The following ATAD2B variants were observed in gnomAD, a reference collection of about 807,000 sequenced individuals.
ATAD2B encodes the protein ATPase family AAA domain containing 2B.
In ATAD2B, 40 loss-of-function variants were observed where a neutral mutation model predicts 167.6. The ratio of observed to expected loss-of-function variants is 0.24; its 90% CI spans 0.19 to 0.31. The LOEUF is 0.31. Ranked by LOEUF, ATAD2B falls within the 10% of genes least tolerant of loss-of-function variation. The pLI is 1.00. For synonymous variants in ATAD2B, 579 were observed against 596.5 expected, an observed-to-expected ratio of 0.97 and a Z score of 0.43; for missense variants, 1,242 against 1,757.2, an observed-to-expected ratio of 0.71 and a Z score of 5.24.
intron 17 of ATAD2B, among the ~76,000 whole-genome samples, chr2:23,819,261 T>G (rs9309166): frequency 0.96 from 146,347 of 152,234 alleles, 70,338 homozygotes; most frequent in East Asian, 0.99. Context: ...ACTTCGGGAG[T>G]CCAAAGCGGG....
chr2:23,746,685 C>A (rs1161827292), downstream of ATAD2B, among the ~76,000 whole-genome samples: 1 of 152,104 alleles, frequency 6.6e-6, no homozygotes, highest in Non-Finnish European at 1.5e-5. Context: ...GAATGTGCTG[C>A]ATGATTAGAA....
chr2:23,692,605 C>T, the ATAD2B span, among the ~76,000 whole-genome samples: 1 of 152,154 alleles, frequency 6.6e-6, no homozygotes, highest in African/African-American at 2.4e-5. Context: ...CAGTGAGGCT[C>T]GCGCACAGAT....
intron 19 of ATAD2B, among the ~76,000 whole-genome samples, chr2:23,793,222 T>C (rs559370928): frequency 2.6e-4 from 40 of 152,292 alleles, no homozygotes; most frequent in African/African-American, 8.9e-4. Flanking sequence ...ATATGTAATC[T>C]TACTTTCATC....
At chr2:23,729,136 C>A in the ATAD2B span, among the ~76,000 whole-genome samples, 1 of 152,186 alleles carries the variant, frequency 6.6e-6, no homozygotes, top group Non-Finnish European at 1.5e-5. Flanking sequence ...CCCACCAGGT[C>A]CCTCCTCCAA....
the ATAD2B span, among the ~76,000 whole-genome samples, chr2:23,725,034 C>T: frequency 1.1e-5 from 1 of 95,008 alleles, no homozygotes; most frequent in African/African-American, 4.0e-5. Context: ...CAGAGCAAGA[C>T]TCTGTCTCAA....
intron 22 of ATAD2B, among the ~76,000 whole-genome samples, chr2:23,775,061 A>G (rs1259092354): frequency 6.6e-6 from 1 of 152,142 alleles, no homozygotes; most frequent in Non-Finnish European, 1.5e-5. Context: ...ACAAATAACT[A>G]TGGGCAAAAA....
At chr2:23,830,667 T>C (rs977435911) in intron 14 of ATAD2B, among the ~76,000 whole-genome samples, 3 of 152,182 alleles carry the variant, frequency 2.0e-5, no homozygotes, top group South Asian at 2.1e-4. Flanking sequence ...AGCAATGATA[T>C]GACACTTATT....
At chr2:23,783,319 C>T (rs1450503964) in intron 21 of ATAD2B, among the ~76,000 whole-genome samples, 3 of 147,576 alleles carry the variant, frequency 2.0e-5, no homozygotes, top group Admixed American at 6.8e-5. Flanking sequence ...CGGGCATATC[C>T]GGGAAGATAA....
At chr2:23,925,918 C>A (rs1242975602) in intron 1 of ATAD2B, among the ~76,000 whole-genome samples, 1 of 152,194 alleles carries the variant, frequency 6.6e-6, no homozygotes, top group African/African-American at 2.4e-5. Context: ...CCTACTAGCA[C>A]CTTGGTGAGC....
rs1394357553 is a variant in ATAD2B, at chr2:23,823,493, G to A, written c.1896C>T (p.Ile632=). The A allele has an allele frequency of 6.2e-7, 1 of 1,613,886 alleles. No homozygotes were observed. The highest frequency in any genetic ancestry group is 2.2e-5 in the East Asian group (1 of 44,882). ...GCTGCAGTTTATGACTGCTAGCATA[G>A]ATCTGGGGATAACGCCTCCGCAGTG... ...LIALRRRYPQ[I]YASSHKLQLD... Residue 632 remains isoleucine (I), a synonymous_variant, in exon 16 of 28, where the codon ATC becomes ATT. Coordinates refer to ENST00000238789, the MANE Select transcript of ATAD2B (RefSeq NM_017552.4).
intron 22 of ATAD2B, among the ~76,000 whole-genome samples, chr2:23,772,930 G>T (rs1376102904): frequency 1.3e-5 from 2 of 152,204 alleles, no homozygotes; most frequent in Non-Finnish European, 1.5e-5. Context: ...TAGAGATGGT[G>T]TCTTGCCATG....
At position 23,798,551 on chromosome 2, in the gene ATAD2B, T is replaced by G. The variant is rs1682964240; in HGVS notation, c.2455-228A>C. On this transcript the variant is annotated intron_variant, in intron 18 of 27. Transcript: ENST00000238789. ...GCCCTATCAAAAAAAAAAGTATGTTTTGCCCTTTAATTATTCCTATTCAGT... is the reference window on the plus strand; with the variant it reads ...GCCCTATCAAAAAAAAAAGTATGTTGTGCCCTTTAATTATTCCTATTCAGT... Among the ~76,000 whole-genome samples, 3 of 152,140 alleles carry G rather than the reference T, an allele frequency of 2.0e-5. No individual in the cohort carries two copies. The South Asian group carries it at 6.2e-4, about 32-fold the overall frequency.
chr2:23,921,890 C>G (rs949980961), intron 1 of ATAD2B, among the ~76,000 whole-genome samples: 1 of 152,182 alleles, frequency 6.6e-6, no homozygotes, highest in African/African-American at 2.4e-5. Context: ...CTGAGAGTTA[C>G]ACACATTATG....
intron 6 of ATAD2B, among the ~76,000 whole-genome samples, chr2:23,881,885 G>A (rs1045605116): frequency 4.0e-5 from 6 of 151,782 alleles, no homozygotes; most frequent in Non-Finnish European, 7.4e-5. Context: ...CACCATGCTT[G>A]GCTAATTTTG....
the ATAD2B span, among the ~76,000 whole-genome samples, chr2:23,684,893 G>C: frequency 6.6e-6 from 1 of 152,104 alleles, no homozygotes; most frequent in East Asian, 1.9e-4. The surrounding 1 kb of genome is among the most constrained non-coding windows in gnomAD (Gnocchi z 4.4). Flanking sequence ...CCATTTTAAG[G>C]GATCACTACA....
chr2:23,885,658 A>C (rs776593219), intron 5 of ATAD2B, 69 bp downstream of exon 5: 29 of 869,886 alleles, frequency 3.3e-5, no homozygotes, highest in Non-Finnish European at 5.1e-5. Context: ...CAACTGTTGC[A>C]TTCTCCCTTT....
chr2:23,851,221 T>C (rs1169997520), intron 13 of ATAD2B, among the ~76,000 whole-genome samples: 1 of 152,218 alleles, frequency 6.6e-6, no homozygotes, highest in African/African-American at 2.4e-5. Flanking sequence ...TGTGGCTCAC[T>C]GCAGCCTTGA....
chr2:23,770,509 G>T (rs911015557), intron 22 of ATAD2B, among the ~76,000 whole-genome samples: 2 of 152,088 alleles, frequency 1.3e-5, no homozygotes, highest in African/African-American at 4.8e-5. Flanking sequence ...TTGTATACAG[G>T]TATGTGATCC....
At chr2:23,847,924 C>A (rs1312895529) in intron 13 of ATAD2B, among the ~76,000 whole-genome samples, 1 of 146,780 alleles carries the variant, frequency 6.8e-6, no homozygotes, top group African/African-American at 2.5e-5. Context: ...ACCCAGGAGG[C>A]GGAGGTTGCA....
Sources: allele counts gnomAD v4.1 joint callset (sites outside exome capture counted in the v4.1 genomes callset), GRCh38; gene constraint gnomAD v4.1.1; non-coding constraint Gnocchi (gnomAD v3.1); transcripts MANE v1.5; gene names NCBI Gene and HGNC (gene_info 2026-07-23, HGNC 2026-07-21).